The following GARNL3 variants were observed in gnomAD, a reference collection of about 807,000 sequenced individuals.
GARNL3 encodes the protein GTPase-activating Rap/Ran-GAP domain-like protein 3.
A neutral mutation model predicts 125.0 loss-of-function variants in GARNL3; 63 were observed. The ratio of observed to expected loss-of-function variants is 0.50; its 90% CI spans 0.41 to 0.62. The LOEUF is 0.62. GARNL3 is among the 20% of genes least tolerant of loss of function. The pLI is 0.00. For missense variants in GARNL3, 994 were observed against 1,244.0 expected (o/e 0.80, Z 3.02); for synonymous variants, 439 against 457.5 (o/e 0.96, Z 0.52).
At chr9:127,233,615 T>C (rs1564837227) in intron 1 of GARNL3, among the ~76,000 whole-genome samples, 2 of 152,208 alleles carry the variant, frequency 1.3e-5, no homozygotes, top group African/African-American at 2.4e-5. Context: ...AGTTTAGCCA[T>C]TGTGGGTGCA....
intron 11 of GARNL3, among the ~76,000 whole-genome samples, chr9:127,336,897 C>G (rs1331718845): frequency 2.6e-5 from 4 of 152,150 alleles, no homozygotes; most frequent in African/African-American, 9.7e-5. Context: ...GTTGGTGGCT[C>G]TACTGGTTAT....
At chr9:127,374,917 A>AAAAC (rs1456946419) in intron 22 of GARNL3, among the ~76,000 whole-genome samples, 1 of 151,870 alleles carries the variant, frequency 6.6e-6, no homozygotes, top group East Asian at 1.9e-4. Flanking sequence ...TACAAAAAAA[A>AAAAC]AAAAAAAACA....
intron 1 of GARNL3, among the ~76,000 whole-genome samples, chr9:127,274,846 C>A (rs111836235): frequency 2.2e-3 from 331 of 152,338 alleles, no homozygotes; most frequent in Middle Eastern, 0.017. Context: ...CAGCAGTTTT[C>A]TACCTTGATT....
intron 1 of GARNL3, among the ~76,000 whole-genome samples, chr9:127,275,182 G>A (rs571820380): frequency 2.6e-4 from 39 of 152,208 alleles, no homozygotes; most frequent in African/African-American, 8.7e-4. Context: ...GTTTTCTTCT[G>A]AACTCATGCA....
intron 7 of GARNL3, among the ~76,000 whole-genome samples, chr9:127,328,550 A>G (rs1036461359): frequency 6.6e-6 from 1 of 152,212 alleles, no homozygotes; most frequent in Non-Finnish European, 1.5e-5. Flanking sequence ...ACAAGAGAAC[A>G]TGGCATCCCA....
chr9:127,355,793 C>G (rs905113080), intron 20 of GARNL3, among the ~76,000 whole-genome samples: 1 of 152,172 alleles, frequency 6.6e-6, no homozygotes, highest in Non-Finnish European at 1.5e-5. Context: ...TAAAGAAATA[C>G]TAAAATTAAA....
intron 1 of GARNL3, among the ~76,000 whole-genome samples, chr9:127,271,426 A>G (rs1044281889): frequency 9.3e-5 from 14 of 150,374 alleles, no homozygotes; most frequent in Non-Finnish European, 1.2e-4. Flanking sequence ...TCAAAAATAA[A>G]TAAAGGAAAG....
chr9:127,263,688 A>C, upstream of GARNL3: 16 of 1,115,970 alleles, frequency 1.4e-5, no homozygotes, highest in Non-Finnish European at 1.7e-5. Flanking sequence ...TAGCCTGGGT[A>C]ATATCTGGAA....
chr9:127,374,155 G>A lies in GARNL3; in HGVS notation c.2161+8789G>A, dbSNP rs150086625. Reference sequence around the variant, plus strand: ...CGCCTCTACTAAATACAAAAAATTAGCCAGGCGTGGTGGCTCATGCCTGTA... The same window carrying A: ...CGCCTCTACTAAATACAAAAAATTAACCAGGCGTGGTGGCTCATGCCTGTA... On this transcript the variant is annotated intron_variant, in intron 22 of 27. Transcript: ENST00000373387. Among the ~76,000 whole-genome samples, 75 of 152,258 alleles carry A rather than the reference G, an allele frequency of 4.9e-4. No homozygotes were observed. The East Asian group carries it at 0.014, about 28-fold the overall frequency.
At chr9:127,358,049 C>T (rs1371013089) in intron 21 of GARNL3, among the ~76,000 whole-genome samples, 2 of 152,194 alleles carry the variant, frequency 1.3e-5, no homozygotes, top group Non-Finnish European at 1.5e-5. Flanking sequence ...GTCTACACCC[C>T]TGGCCTGATG....
intron 1 of GARNL3, among the ~76,000 whole-genome samples, chr9:127,269,072 C>T (rs541029848): frequency 2.9e-4 from 44 of 152,306 alleles, no homozygotes; most frequent in African/African-American, 7.9e-4. Flanking sequence ...AGTCATGGCT[C>T]ACTGCAGCCT....
chr9:127,304,757 G>A (rs2064901852), intron 2 of GARNL3, among the ~76,000 whole-genome samples: 1 of 151,928 alleles, frequency 6.6e-6, no homozygotes, highest in Non-Finnish European at 1.5e-5. Context: ...GACTGGTCTC[G>A]AACTCCTGAC....
chr9:127,363,879 G>A (rs1283712959), intron 21 of GARNL3: 3 of 152,206 alleles, frequency 2.0e-5, no homozygotes, highest in Non-Finnish European at 2.9e-5. Flanking sequence ...CCTTCACTGA[G>A]TGCTCATCAT....
intron 2 of GARNL3, among the ~76,000 whole-genome samples, chr9:127,250,427 A>G (rs907159193): frequency 6.6e-6 from 1 of 152,220 alleles, no homozygotes; most frequent in Admixed American, 6.5e-5. Context: ...GAGAGAAGAC[A>G]TGGGAGATGA....
chr9:127,390,622 C>T lies in GARNL3; in HGVS notation c.2744-19C>T, dbSNP rs1832770468. ...CAGCCCTGTGGTAGTGACCCTCTGA[C>T]CTATGATTCTCAATCCAGGCCTCTC... On this transcript the variant is annotated intron_variant, in intron 26 of 27. Coordinates refer to ENST00000373387, the MANE Select transcript of GARNL3 (RefSeq NM_032293.5). 4 of 1,613,158 alleles carry T rather than the reference C, an allele frequency of 2.5e-6. No individual in the cohort carries two copies. The African/African-American group carries it at 4.0e-5, about 16-fold the overall frequency.
chr9:127,264,820 C>G lies in GARNL3; in HGVS notation c.-58C>G. 1 of 1,438,692 alleles carries G rather than the reference C, an allele frequency of 7.0e-7. No individual in the cohort carries two copies. The highest frequency in any genetic ancestry group is 9.2e-7 in the Non-Finnish European group (1 of 1,082,570). 89.1% of individuals were successfully genotyped at this position (1,438,692 alleles called of 1,614,324 possible). ...GGACTGTGTCTGTTGCAAGGAGGCT[C>G]CCCTGCAGTGAGGAGCCGGGGCACT... On this transcript the variant is annotated 5_prime_UTR_variant, in exon 1 of 28. Transcript: ENST00000373387.
chr9:127,301,600 G>A (rs1485020383), intron 2 of GARNL3, among the ~76,000 whole-genome samples: 1 of 152,190 alleles, frequency 6.6e-6, no homozygotes, highest in East Asian at 1.9e-4. Context: ...TTGTATCTAA[G>A]TGAAGGATCT....
intron 1 of GARNL3, among the ~76,000 whole-genome samples, chr9:127,275,364 A>G (rs2063928449): frequency 6.6e-6 from 1 of 152,196 alleles, no homozygotes; most frequent in Admixed American, 6.5e-5. Flanking sequence ...CCCTCAGAGG[A>G]AAGTCTAGCC....
intron 22 of GARNL3, among the ~76,000 whole-genome samples, chr9:127,382,309 A>T (rs113058269): frequency 0.022 from 3,394 of 152,116 alleles, 140 homozygotes; most frequent in African/African-American, 0.077. Context: ...CAAAAATTAA[A>T]AATAATAATA....
Sources: allele counts gnomAD v4.1 joint callset (sites outside exome capture counted in the v4.1 genomes callset), GRCh38; gene constraint gnomAD v4.1.1; transcripts MANE v1.5; gene names NCBI Gene and HGNC (gene_info 2026-07-23, HGNC 2026-07-21).